Variants in PKD2L1 observed in about 807,000 individuals in gnomAD.
PKD2L1 encodes polycystin 2 like 1, transient receptor potential cation channel, also known as polycystin-2-like protein 1.
Under a neutral mutation model 93.0 loss-of-function variants are expected in PKD2L1, and 77 were observed. The ratio of observed to expected loss-of-function variants is 0.83; its 90% CI spans 0.69 to 1.00. The LOEUF (loss-of-function observed/expected upper bound fraction) is 1.00, where lower values mean the gene tolerates loss of function less well. Among genes scored for constraint, PKD2L1 ranks in the 50% least tolerant of loss-of-function variants. PKD2L1 has a pLI of 0.00. For missense variants in PKD2L1, 977 were observed against 990.9 expected, an observed-to-expected ratio of 0.99 and a Z score of 0.19; for synonymous variants, 390 against 388.0, an observed-to-expected ratio of 1.01 and a Z score of -0.06.
At chr10:100,309,011 GA>G (rs1848871261) in intron 2 of PKD2L1, among the ~76,000 whole-genome samples, 1 of 152,072 alleles carries the variant, frequency 6.6e-6, no homozygotes, top group African/African-American at 2.4e-5. Context: ...TCTGTATCAG[GA>G]ACCATATGCT....
At chr10:100,305,456 G>C (rs969973470) in intron 2 of PKD2L1, among the ~76,000 whole-genome samples, 5 of 152,126 alleles carry the variant, frequency 3.3e-5, no homozygotes, top group Admixed American at 1.3e-4. Flanking sequence ...ATTAATCCAT[G>C]TTTGACCCAT....
intron 2 of PKD2L1, among the ~76,000 whole-genome samples, chr10:100,300,555 C>T (rs963238503): frequency 7.2e-5 from 11 of 152,122 alleles, no homozygotes; most frequent in African/African-American, 2.4e-4. Flanking sequence ...AACAGATTGT[C>T]CTTCAATTTA....
chr10:100,300,247 C>T (rs1180070350), intron 2 of PKD2L1, among the ~76,000 whole-genome samples: 9 of 152,290 alleles, frequency 5.9e-5, no homozygotes, highest in Admixed American at 3.9e-4. Flanking sequence ...GGCAGGTAGG[C>T]ACAGCACCTC....
At chr10:100,301,168 A>G (rs1219748871) in intron 2 of PKD2L1, among the ~76,000 whole-genome samples, 1 of 152,232 alleles carries the variant, frequency 6.6e-6, no homozygotes, top group Non-Finnish European at 1.5e-5. Flanking sequence ...CAGAGATCAC[A>G]TGCTTCAAGG....
At chr10:100,288,832 A>G in intron 15 of PKD2L1, 140 bp downstream of exon 15, 1 of 585,546 alleles carries the variant, frequency 1.7e-6, no homozygotes, top group Non-Finnish European at 3.0e-6. Flanking sequence ...TTGGCTCAAA[A>G]GGCCAGATGC....
intron 2 of PKD2L1, among the ~76,000 whole-genome samples, chr10:100,302,280 C>CACACACACACAT (rs1554916598): frequency 6.6e-6 from 1 of 150,736 alleles, no homozygotes; most frequent in African/African-American, 2.4e-5. Flanking sequence ...CACACACACA[C>CACACACACACAT]ATATCAATTA....
chr10:100,288,889 G>C (rs1848339986), intron 15 of PKD2L1, 83 bp downstream of exon 15: 5 of 821,660 alleles, frequency 6.1e-6, no homozygotes, highest in African/African-American at 1.7e-5. Flanking sequence ...TGTCCTAGAA[G>C]TGCAGGGGAT....
chr10:100,326,971 A>G (rs1849393497), intron 2 of PKD2L1, among the ~76,000 whole-genome samples: 1 of 152,242 alleles, frequency 6.6e-6, no homozygotes. Flanking sequence ...AGGGCAAGCT[A>G]TATTCATTCA....
intron 7 of PKD2L1, among the ~76,000 whole-genome samples, chr10:100,295,620 C>T (rs1848513491): frequency 6.7e-6 from 1 of 148,516 alleles, no homozygotes; most frequent in Non-Finnish European, 1.5e-5. Context: ...GTAATCCCAG[C>T]TACTCAGGAG....
At chr10:100,299,913 C>T (rs1194110662) in intron 2 of PKD2L1, among the ~76,000 whole-genome samples, 195 bp from the exon 3 acceptor site, 1 of 152,212 alleles carries the variant, frequency 6.6e-6, no homozygotes, top group Admixed American at 6.5e-5. Context: ...GTTGTAGCTA[C>T]AATGTCTCCT....
At chr10:100,288,924 C>T (rs1848341080) in intron 15 of PKD2L1, 48 bp downstream of exon 15, 1 of 1,279,986 alleles carries the variant, frequency 7.8e-7, no homozygotes, top group Non-Finnish European at 1.1e-6. Flanking sequence ...TGTGCGGAGG[C>T]AGAGGGAGGG....
At chr10:100,308,606 A>G (rs1310988629) in intron 2 of PKD2L1, among the ~76,000 whole-genome samples, 1 of 152,212 alleles carries the variant, frequency 6.6e-6, no homozygotes, top group Non-Finnish European at 1.5e-5. Flanking sequence ...AAGTGCTGGG[A>G]TTACAGGCAT....
Position 100,321,904 on chromosome 10 carries a change from C to CAAGGAAGGAAGGAAGGAAGGAAGGAAGG in PKD2L1, c.349+7279_349+7306dup, listed in dbSNP as rs71013443. Among the ~76,000 whole-genome samples, 6 of 9,478 alleles carry CAAGGAAGGAAGGAAGGAAGGAAGGAAGG rather than the reference C, an allele frequency of 6.3e-4. 2 individuals are homozygous for CAAGGAAGGAAGGAAGGAAGGAAGGAAGG. The highest frequency in any genetic ancestry group is 3.0e-3 in the African/African-American group (6 of 1,980). 6.2% of individuals were successfully genotyped at this position (9,478 alleles called of 152,430 possible). ...GGAGGGAGGGAGGGAGGGAAGGAAG[C>CAAGGAAGGAAGGAAGGAAGGAAGGAAGG]AAGGAAGGAAGGAAGGAAGGAAGGA... On this transcript the variant is annotated intron_variant, in intron 2 of 15. Coordinates refer to ENST00000318222, the MANE Select transcript of PKD2L1 (RefSeq NM_016112.3).
In PKD2L1 at chr10:100,295,002, T is replaced by A; in HGVS notation, c.1478A>T (p.Gln493Leu). The change falls in exon 8 of 16, where the codon CAA (glutamine) becomes CTA (leucine). Residue 493 changes from glutamine (Q) to leucine (L), a missense_variant. By Grantham distance (113) the Gln-to-Leu change is moderately radical. Transcript: ENST00000318222. The stretch of plus-strand genomic sequence containing the variant: ...GGTCCCGAAAAGCAGGTAGCCGAGT[T>A]GGGCATAGGCGAAGAAAACAATGAA... ...MFFIVFFAYA[Q>L]LGYLLFGTQV... 1 of 1,614,186 alleles carries A rather than the reference T, an allele frequency of 6.2e-7. No homozygotes were observed.
In PKD2L1 at chr10:100,315,489, G is replaced by A. The variant is rs4919453; in HGVS notation, c.349+13722C>T. Among the ~76,000 whole-genome samples the A allele has an allele frequency of 9.1e-3, 1,390 of 152,130 alleles. 18 individuals are homozygous for A. The highest frequency in any genetic ancestry group is 0.034 in the Middle Eastern group (10 of 294). On this transcript the variant is annotated intron_variant, in intron 2 of 15. Coordinates refer to ENST00000318222, the MANE Select transcript of PKD2L1 (RefSeq NM_016112.3). ...CCCCTCCCTGTGTCCATGTATTCTC[G>A]TTGTTCAACTTCCACTTATGAGTGA... is the stretch of plus-strand genomic sequence containing the variant.
chr10:100,323,004 T>A (rs1849296104), intron 2 of PKD2L1, among the ~76,000 whole-genome samples: 1 of 152,216 alleles, frequency 6.6e-6, no homozygotes, highest in Admixed American at 6.5e-5. Flanking sequence ...GTCAGTGAGA[T>A]AAAGTACATA....
chr10:100,310,009 T>C (rs554185053), intron 2 of PKD2L1, among the ~76,000 whole-genome samples: 1 of 152,200 alleles, frequency 6.6e-6, no homozygotes, highest in Non-Finnish European at 1.5e-5. Flanking sequence ...CCAAAAAGGT[T>C]GCACCATTTC....
intron 11 of PKD2L1, among the ~76,000 whole-genome samples, chr10:100,291,635 G>A (rs184918005): frequency 1.1e-3 from 173 of 152,226 alleles, no homozygotes; most frequent in African/African-American, 4.0e-3. Context: ...CAGGTTCAGG[G>A]CCTCATGACC....
intron 2 of PKD2L1, among the ~76,000 whole-genome samples, chr10:100,325,050 G>T (rs1410398958): frequency 6.6e-6 from 1 of 152,188 alleles, no homozygotes; most frequent in African/African-American, 2.4e-5. Context: ...CAAATTAAGT[G>T]GATCTGGTTC....
Sources: gnomAD v4.1 joint callset for allele counts (sites outside exome capture counted in the v4.1 genomes callset) on GRCh38, gnomAD v4.1.1 for gene constraint, MANE v1.5 for transcripts, NCBI Gene and HGNC (gene_info 2026-07-23, HGNC 2026-07-21) for gene names.